TBC1D22A: variants seen among roughly 807,000 people sequenced by gnomAD.
TBC1D22A encodes TBC1 domain family member 22A.
In TBC1D22A, 38 loss-of-function variants were observed where a neutral mutation model predicts 60.2. The observed-to-expected ratio is 0.63, with a 90% CI of 0.49 to 0.83. The LOEUF is 0.83. Ranked by LOEUF, TBC1D22A falls within the 40% of genes least tolerant of loss-of-function variation. The pLI, the probability that TBC1D22A is intolerant of heterozygous loss-of-function variation, is 0.00. For synonymous variants in TBC1D22A, 302 were observed against 281.7 expected, an observed-to-expected ratio of 1.07 and a Z score of -0.72; for missense variants, 628 against 701.0, an observed-to-expected ratio of 0.90 and a Z score of 1.18.
At chr22:47,141,804 G>A (rs529794676) in intron 12 of TBC1D22A, among the ~76,000 whole-genome samples, 87 of 152,364 alleles carry the variant, frequency 5.7e-4, no homozygotes, top group African/African-American at 1.7e-3. Context: ...AGGAAATGAC[G>A]TGGATAATAT....
intron 1 of TBC1D22A, among the ~76,000 whole-genome samples, chr22:46,767,800 G>T (rs969912067): frequency 6.6e-6 from 1 of 152,046 alleles, no homozygotes; most frequent in African/African-American, 2.4e-5. Flanking sequence ...AGGTGCAGAG[G>T]ACTCCCAGAG....
intron 12 of TBC1D22A, among the ~76,000 whole-genome samples, chr22:47,143,830 C>T (rs5767530): frequency 6.6e-6 from 1 of 152,082 alleles, no homozygotes; most frequent in Non-Finnish European, 1.5e-5. Context: ...GGGCTGGGCC[C>T]GGAGGTGAAG....
At chr22:46,893,389 C>T (rs2068504642) in intron 6 of TBC1D22A, among the ~76,000 whole-genome samples, 1 of 152,190 alleles carries the variant, frequency 6.6e-6, no homozygotes, top group African/African-American at 2.4e-5. Flanking sequence ...ACCTGCCCAG[C>T]CTTGTGGAGG....
intron 4 of TBC1D22A, among the ~76,000 whole-genome samples, chr22:46,825,863 G>C (rs1264052501): frequency 5.9e-5 from 9 of 151,460 alleles, no homozygotes; most frequent in Admixed American, 5.3e-4. Context: ...TCACCTGGGT[G>C]ATGAGACACT....
intron 8 of TBC1D22A, among the ~76,000 whole-genome samples, chr22:46,955,556 C>T (rs576948498): frequency 1.3e-5 from 2 of 152,126 alleles, no homozygotes; most frequent in African/African-American, 2.4e-5. Context: ...TTCTTATGTT[C>T]GGGAAGATTA....
Position 47,162,167 on chromosome 22 carries a change from A to G in TBC1D22A, c.1426-11331A>G, listed in dbSNP as rs536762710. ...TTTGCCTTTATGTGTATATAAATAT[A>G]TGAGAGCTACCGGGTGTTAGTTTTC... On this transcript the variant is annotated intron_variant, in intron 12 of 12. Coordinates refer to ENST00000337137, the MANE Select transcript of TBC1D22A (RefSeq NM_014346.5). Among the ~76,000 whole-genome samples, 43 of 149,666 alleles carry G rather than the reference A, an allele frequency of 2.9e-4. No homozygotes were observed. The South Asian group carries it at 8.5e-3, about 29-fold the overall frequency.
At chr22:46,933,625 T>TCGG (rs375567614) in intron 8 of TBC1D22A, among the ~76,000 whole-genome samples, 38 of 150,644 alleles carry the variant, frequency 2.5e-4, no homozygotes, top group Admixed American at 1.1e-3. Flanking sequence ...GAGAGACCAC[T>TCGG]GGGGGGGGGT....
chr22:46,978,757 C>T (rs910697588), intron 9 of TBC1D22A, among the ~76,000 whole-genome samples: 55 of 151,952 alleles, frequency 3.6e-4, no homozygotes, highest in Admixed American at 2.9e-3. Context: ...TACAGGCACA[C>T]GCCACCATGC....
chr22:47,159,615 C>G (rs925875918), intron 12 of TBC1D22A, among the ~76,000 whole-genome samples: 1 of 151,660 alleles, frequency 6.6e-6, no homozygotes, highest in East Asian at 1.9e-4. Flanking sequence ...TGTACATACA[C>G]TATACACACA....
Position 46,953,074 on chromosome 22 carries a change from T to TG in TBC1D22A, c.1016-21211dup, listed in dbSNP as rs746853142. Among the ~76,000 whole-genome samples, 54 of 152,194 alleles carry TG rather than the reference T, an allele frequency of 3.5e-4. No individual in the cohort carries two copies. In the East Asian group the frequency reaches 6.2e-3, roughly 17 times the overall value. On this transcript the variant is annotated intron_variant, in intron 8 of 12. Coordinates refer to ENST00000337137, the MANE Select transcript of TBC1D22A (RefSeq NM_014346.5). ...CTGTGTGCAGCCCACACTGAACGGG[T>TG]GGGGGTCATACTTCACTTCCTTGAG...
intron 8 of TBC1D22A, among the ~76,000 whole-genome samples, chr22:46,924,257 G>T (rs936009359): frequency 6.6e-6 from 1 of 152,124 alleles, no homozygotes; most frequent in Non-Finnish European, 1.5e-5. Flanking sequence ...CGGATAACTC[G>T]GAGTGACTGG....
At chr22:46,899,749 C>G (rs1413961293) in intron 7 of TBC1D22A, among the ~76,000 whole-genome samples, 1 of 152,134 alleles carries the variant, frequency 6.6e-6, no homozygotes, top group African/African-American at 2.4e-5. Flanking sequence ...TGCCATACCC[C>G]CACTTTAAAG....
chr22:47,006,777 T>A (rs950309656), intron 10 of TBC1D22A, among the ~76,000 whole-genome samples: 3 of 152,214 alleles, frequency 2.0e-5, no homozygotes, highest in Non-Finnish European at 2.9e-5. Context: ...CTTCCTTTGT[T>A]CCTGACTGTT....
intron 9 of TBC1D22A, among the ~76,000 whole-genome samples, chr22:46,984,404 A>C (rs1433791277): frequency 7.0e-6 from 1 of 142,940 alleles, no homozygotes; most frequent in Non-Finnish European, 1.5e-5. Flanking sequence ...AAAAAAAAAA[A>C]AAGAGAAGTT....
At chr22:47,030,990 C>T (rs2062454032) in intron 10 of TBC1D22A, among the ~76,000 whole-genome samples, 1 of 152,196 alleles carries the variant, frequency 6.6e-6, no homozygotes, top group Non-Finnish European at 1.5e-5. Flanking sequence ...TGCTAAGTGA[C>T]CACTTCCGTG....
chr22:46,904,005 GA>G (rs2069201616), intron 7 of TBC1D22A, among the ~76,000 whole-genome samples: 1 of 151,692 alleles, frequency 6.6e-6, no homozygotes, highest in African/African-American at 2.4e-5. Context: ...TGTAGACTTT[GA>G]AAATGCTTAT....
At chr22:46,815,943 G>A (rs1421935598) in intron 4 of TBC1D22A, among the ~76,000 whole-genome samples, 1 of 152,160 alleles carries the variant, frequency 6.6e-6, no homozygotes, top group Non-Finnish European at 1.5e-5. Flanking sequence ...ATACCTGCGT[G>A]CGCCATGGGC....
intron 11 of TBC1D22A, among the ~76,000 whole-genome samples, chr22:47,050,264 C>A (rs911985197): frequency 2.0e-5 from 3 of 151,682 alleles, no homozygotes; most frequent in African/African-American, 7.3e-5. Context: ...CTCGGCCCCC[C>A]AGGGTGCTGG....
At chr22:47,149,313 C>T (rs1204753900) in intron 12 of TBC1D22A, among the ~76,000 whole-genome samples, 6 of 152,216 alleles carry the variant, frequency 3.9e-5, no homozygotes, top group South Asian at 2.1e-4. Context: ...GCATCCTGTG[C>T]GGCCTCCATT....
Sources: allele counts gnomAD v4.1 joint callset (sites outside exome capture counted in the v4.1 genomes callset), GRCh38; gene constraint gnomAD v4.1.1; transcripts MANE v1.5; gene names NCBI Gene and HGNC (gene_info 2026-07-23, HGNC 2026-07-21).